The following ZNF221 variants were observed in gnomAD, a reference collection of about 807,000 sequenced individuals.
ZNF221 encodes the protein zinc finger protein 221.
A neutral mutation model predicts 12.6 loss-of-function variants in ZNF221; 10 were observed. The observed-to-expected ratio is 0.79, with a 90% CI of 0.49 to 1.34. The LOEUF (loss-of-function observed/expected upper bound fraction) is 1.34, where lower values mean the gene tolerates loss of function less well. Among genes scored for constraint, ZNF221 ranks in the 40% most tolerant of loss-of-function variants. The probability of loss-of-function intolerance (pLI) is 0.00; values close to 1 mark genes in which losing one functional copy is unlikely to be tolerated. For synonymous variants in ZNF221, 232 were observed against 244.0 expected (o/e 0.95, Z 0.46); for missense variants, 661 against 721.4 (o/e 0.92, Z 0.96).
chr19:43,964,230 C>T (rs1974898050), intron 2 of ZNF221, among the ~76,000 whole-genome samples: 1 of 151,998 alleles, frequency 6.6e-6, no homozygotes, highest in South Asian at 2.1e-4. Context: ...CACAGTTTTC[C>T]CAATGCTATA....
At position 43,966,288 on chromosome 19, in the gene ZNF221, C is replaced by T. The variant is rs773474429; in HGVS notation, c.786C>T (p.Gly262=). ...KPFKCGQCGK[G]FHSRSALNVH... is the part of the protein sequence containing the mutation. ...TCAAATGTGGGCAATGTGGGAAAGG[C>T]TTCCATAGTAGATCAGCACTTAATG... The change falls in exon 5 of 5, where the codon GGC becomes GGT. Residue 262 remains glycine (G), a synonymous_variant. Coordinates refer to ENST00000587682, the MANE Select transcript of ZNF221 (RefSeq NM_001297588.2). The T allele has an allele frequency of 2.0e-5, 33 of 1,613,340 alleles. No individual in the cohort carries two copies. The highest frequency in any genetic ancestry group is 2.8e-5 in the Non-Finnish European group (33 of 1,179,296).
chr19:43,981,556 A>G, the ZNF221 span, among the ~76,000 whole-genome samples: 5,519 of 152,322 alleles, frequency 0.036, 199 homozygotes, highest in Non-Finnish European at 0.051. Flanking sequence ...GCACTGTTAT[A>G]TAAACCACTC....
chr19:43,972,424 C>T (rs146034021), downstream of ZNF221, among the ~76,000 whole-genome samples: 948 of 151,972 alleles, frequency 6.2e-3, 9 homozygotes, highest in African/African-American at 0.017. Context: ...GAGCAGAACT[C>T]AAGGAGACAG....
At chr19:43,953,595 T>C (rs1207417432) in intron 1 of ZNF221, among the ~76,000 whole-genome samples, 1 of 152,134 alleles carries the variant, frequency 6.6e-6, no homozygotes, top group African/African-American at 2.4e-5. Context: ...CATTGGTCTT[T>C]CAGGTGACCA....
chr19:43,959,399 A>G (rs1218714853), intron 1 of ZNF221, among the ~76,000 whole-genome samples: 1 of 152,240 alleles, frequency 6.6e-6, no homozygotes, highest in Non-Finnish European at 1.5e-5. Context: ...GTCAAGCATC[A>G]GAGTCCAACC....
At chr19:43,972,878 G>A in the ZNF221 span, among the ~76,000 whole-genome samples, 2 of 151,098 alleles carry the variant, frequency 1.3e-5, no homozygotes, top group Admixed American at 6.6e-5. Context: ...TTGAAAAGAA[G>A]GGATTCCTCC....
At chr19:43,959,175 T>G (rs2147336389) in intron 1 of ZNF221, among the ~76,000 whole-genome samples, 1 of 152,340 alleles carries the variant, frequency 6.6e-6, no homozygotes, top group African/African-American at 2.4e-5. Flanking sequence ...ACAATCCAGT[T>G]GAGTAAAGAT....
intron 4 of ZNF221, among the ~76,000 whole-genome samples, 184 bp downstream of exon 4, chr19:43,965,509 A>C (rs1391191088): frequency 6.6e-6 from 1 of 152,158 alleles, no homozygotes; most frequent in African/African-American, 2.4e-5. Flanking sequence ...TAGTTTAATA[A>C]TTTATCATAC....
the ZNF221 span, among the ~76,000 whole-genome samples, chr19:43,974,592 C>T: frequency 6.7e-6 from 1 of 150,232 alleles, no homozygotes; most frequent in African/African-American, 2.4e-5. Flanking sequence ...TCAACAGGCA[C>T]TTCTCAAAAG....
Position 43,967,095 on chromosome 19 carries a change from A to G in ZNF221, c.1593A>G (p.Glu531=), listed in dbSNP as rs1298374848. 2 of 1,595,722 alleles carry G rather than the reference A, an allele frequency of 1.3e-6. No individual in the cohort carries two copies. Among genetic ancestry groups the G allele is most frequent in the African/African-American group, 2.7e-5 (2 of 74,814 alleles). The change falls in exon 5 of 5, where the codon GAA becomes GAG. Residue 531 remains glutamate (E), a synonymous_variant. Coordinates refer to ENST00000587682, the MANE Select transcript of ZNF221 (RefSeq NM_001297588.2). ...LHSHQTCHTG[E]KLYKCEQCEK... ...CCCATCAGACATGCCATACTGGAGAAAAGCTATACAAATGTGAGCAGTGTG... is the reference window on the plus strand; with the variant it reads ...CCCATCAGACATGCCATACTGGAGAGAAGCTATACAAATGTGAGCAGTGTG...
At chr19:43,972,346 A>G (rs1488523486), downstream of ZNF221, among the ~76,000 whole-genome samples, 1 of 152,182 alleles carries the variant, frequency 6.6e-6, no homozygotes, top group Non-Finnish European at 1.5e-5. Flanking sequence ...TCAAGTTAAC[A>G]ACATCACAAC....
At chr19:43,960,750 G>A (rs1974829844) in intron 1 of ZNF221, among the ~76,000 whole-genome samples, 1 of 152,206 alleles carries the variant, frequency 6.6e-6, no homozygotes, top group South Asian at 2.1e-4. Flanking sequence ...TGATAGTTGT[G>A]GTAGTTTCCA....
At chr19:43,972,047 A>C (rs966787625), downstream of ZNF221, among the ~76,000 whole-genome samples, 1 of 152,208 alleles carries the variant, frequency 6.6e-6, no homozygotes, top group African/African-American at 2.4e-5. Context: ...AAATCATAAC[A>C]GTCTCTCAGA....
At chr19:43,977,477 C>T in the ZNF221 span, 1 of 152,144 alleles carries the variant, frequency 6.6e-6, no homozygotes, top group Non-Finnish European at 1.5e-5. Context: ...TGGTCAACTG[C>T]CTTCATAACT....
intron 1 of ZNF221, among the ~76,000 whole-genome samples, chr19:43,954,948 G>A (rs143988463): frequency 0.011 from 1,640 of 152,184 alleles, 37 homozygotes; most frequent in African/African-American, 0.038. Flanking sequence ...ACTTGCGAAG[G>A]TGTGTAAGCC....
chr19:43,962,856 A>G (rs1369348048), intron 2 of ZNF221, 49 bp downstream of exon 2: 1 of 1,539,036 alleles, frequency 6.5e-7, no homozygotes. Context: ...CTTACTACTC[A>G]TATTGTCACA....
At chr19:43,955,969 A>G (rs1278078941) in intron 1 of ZNF221, among the ~76,000 whole-genome samples, 1 of 152,220 alleles carries the variant, frequency 6.6e-6, no homozygotes, top group Non-Finnish European at 1.5e-5. Flanking sequence ...TCCTAACATT[A>G]CCTAAGAGAG....
intron 1 of ZNF221, chr19:43,961,698 T>C (rs1360520836): frequency 6.6e-6 from 1 of 152,240 alleles, no homozygotes; most frequent in Non-Finnish European, 1.5e-5. Flanking sequence ...GTCACATTTC[T>C]GTAGTCTTCT....
In ZNF221 at chr19:43,966,988, C is replaced by G. The variant is rs1346305217; in HGVS notation, c.1486C>G (p.His496Asp). The change falls in exon 5 of 5, where the codon CAT (histidine) becomes GAT (aspartate). Residue 496 changes from histidine (H) to aspartate (D), a missense_variant. Coordinates refer to ENST00000587682, the MANE Select transcript of ZNF221 (RefSeq NM_001297588.2). ...TGGCTGGGCCTCCTGTCTTTTGAAA[C>G]ATCAGAGACTCCACAGTGGGGAAAA... ...SFGWASCLLK[H>D]QRLHSGEKPF... is the part of the protein sequence containing the mutation. The G allele has an allele frequency of 2.2e-5, 35 of 1,613,886 alleles. No homozygotes were observed. Among genetic ancestry groups the G allele is most frequent in the Non-Finnish European group, 3.0e-5 (35 of 1,179,976 alleles).
Sources: allele counts gnomAD v4.1 joint callset (sites outside exome capture counted in the v4.1 genomes callset), GRCh38; gene constraint gnomAD v4.1.1; transcripts MANE v1.5; gene names NCBI Gene and HGNC (gene_info 2026-07-23, HGNC 2026-07-21).